The following ZNRF1 variants were observed in gnomAD, a reference collection of about 807,000 sequenced individuals.
ZNRF1 encodes the protein E3 ubiquitin-protein ligase ZNRF1.
ZNRF1 carries 3 observed loss-of-function variants against 18.4 expected under a neutral mutation model. The ratio of observed to expected loss-of-function variants is 0.16; its 90% CI spans 0.07 to 0.42. The LOEUF (loss-of-function observed/expected upper bound fraction) is 0.42, where lower values mean the gene tolerates loss of function less well. ZNRF1 is among the 10% of genes least tolerant of loss of function. The pLI is 0.99. For missense variants in ZNRF1, 310 were observed against 329.8 expected, an observed-to-expected ratio of 0.94 and a Z score of 0.47; for synonymous variants, 157 against 144.2, an observed-to-expected ratio of 1.09 and a Z score of -0.64.
At chr16:75,028,093 A>AT (rs2035250772) in intron 1 of ZNRF1, among the ~76,000 whole-genome samples, 1 of 152,138 alleles carries the variant, frequency 6.6e-6, no homozygotes, top group Non-Finnish European at 1.5e-5. Context: ...TGCAAACAAA[A>AT]TTTCATTCCC....
chr16:75,034,357 C>A (rs2035349791), intron 1 of ZNRF1, among the ~76,000 whole-genome samples: 2 of 152,162 alleles, frequency 1.3e-5, no homozygotes, highest in Admixed American at 6.6e-5. Flanking sequence ...CTTGACCACT[C>A]TTAATAACTC....
At chr16:75,020,573 G>A (rs1048254223) in intron 1 of ZNRF1, among the ~76,000 whole-genome samples, 3 of 150,024 alleles carry the variant, frequency 2.0e-5, no homozygotes, top group South Asian at 2.1e-4. Flanking sequence ...ATGGAGTCTC[G>A]CTGTGTCACC....
chr16:75,079,050 T>A (rs1204107900), intron 1 of ZNRF1, among the ~76,000 whole-genome samples: 1 of 152,230 alleles, frequency 6.6e-6, no homozygotes, highest in African/African-American at 2.4e-5. Context: ...CCGGTTCAAG[T>A]AACCTGAACC....
chr16:75,015,472 G>A (rs1331838522), intron 1 of ZNRF1, among the ~76,000 whole-genome samples: 1 of 152,188 alleles, frequency 6.6e-6, no homozygotes. Flanking sequence ...CTACTCAGGA[G>A]GCTGAGGCAG....
intron 1 of ZNRF1, among the ~76,000 whole-genome samples, chr16:75,060,178 C>G (rs549599767): frequency 1.3e-5 from 2 of 151,738 alleles, no homozygotes; most frequent in African/African-American, 2.4e-5. Context: ...CTCAGCCTCC[C>G]GAGTAGCTGG....
intron 1 of ZNRF1, among the ~76,000 whole-genome samples, chr16:75,033,504 A>G (rs1339233756): frequency 6.7e-6 from 1 of 148,666 alleles, no homozygotes; most frequent in African/African-American, 2.5e-5. Context: ...CAATGGCGCA[A>G]TCTTGGCTCA....
At chr16:75,101,880 T>G (rs761964295) in intron 2 of ZNRF1, among the ~76,000 whole-genome samples, 1 of 152,254 alleles carries the variant, frequency 6.6e-6, no homozygotes. Flanking sequence ...ATCACACCCA[T>G]GTGTTCATCC....
intron 1 of ZNRF1, among the ~76,000 whole-genome samples, chr16:75,073,642 C>T (rs1167696089): frequency 6.6e-6 from 1 of 151,990 alleles, no homozygotes; most frequent in African/African-American, 2.4e-5. Context: ...CTTTTTTTCT[C>T]TCAGCACTGT....
intron 1 of ZNRF1, among the ~76,000 whole-genome samples, chr16:75,046,327 CTG>C (rs1158766619): frequency 4.6e-5 from 7 of 151,360 alleles, no homozygotes; most frequent in Non-Finnish European, 1.0e-4. Flanking sequence ...TCTCAGCTCA[CTG>C]TAACCTCTGC....
intron 1 of ZNRF1, among the ~76,000 whole-genome samples, chr16:75,067,171 CT>C (rs2035815974): frequency 6.6e-6 from 1 of 152,178 alleles, no homozygotes; most frequent in Non-Finnish European, 1.5e-5. Flanking sequence ...AATGTGGTGC[CT>C]TCTGGGTTAC....
intron 1 of ZNRF1, among the ~76,000 whole-genome samples, chr16:75,038,863 T>G (rs66927136): frequency 0.31 from 46,743 of 152,120 alleles, 8,784 homozygotes; most frequent in East Asian, 0.62. Context: ...TGCTGTTATT[T>G]TTTTTTTCTA....
At chr16:75,052,657 C>T (rs547663853) in intron 1 of ZNRF1, among the ~76,000 whole-genome samples, 2 of 152,276 alleles carry the variant, frequency 1.3e-5, no homozygotes, top group Admixed American at 6.5e-5. Context: ...AGGCCACCTC[C>T]ATTTCCAGCA....
intron 1 of ZNRF1, among the ~76,000 whole-genome samples, chr16:75,009,427 A>G (rs2034966506): frequency 6.6e-6 from 1 of 152,148 alleles, no homozygotes; most frequent in South Asian, 2.1e-4. Flanking sequence ...TAGTGTCCTC[A>G]AGGTTCATCT....
Position 74,999,603 on chromosome 16 carries a change from C to G in ZNRF1, c.-69C>G. On this transcript the variant is annotated 5_prime_UTR_variant, in exon 1 of 5. Transcript: ENST00000335325. ...CCCCCTTTATGCTCGCCCAGCCCTC[C>G]CCCTGCTGCTGAGAAGTGGGGGAGG... is the stretch of plus-strand genomic sequence containing the variant. 8.6e-7 allele frequency: 1 copy of G among 1,160,420 alleles called. No individual in the cohort carries two copies. The highest frequency in any genetic ancestry group is 1.1e-6 in the Non-Finnish European group (1 of 904,076). The allele number at this position is 1,160,420 out of a possible 1,614,324, so 71.9% of individuals were successfully genotyped here.
chr16:75,038,884 C>G (rs1446349831), intron 1 of ZNRF1, among the ~76,000 whole-genome samples: 1 of 152,038 alleles, frequency 6.6e-6, no homozygotes, highest in African/African-American at 2.4e-5. Context: ...GGACACAGTC[C>G]TACTTCTGTA....
chr16:75,006,842 G>T (rs2034925095), intron 1 of ZNRF1, among the ~76,000 whole-genome samples: 1 of 152,132 alleles, frequency 6.6e-6, no homozygotes, highest in African/African-American at 2.4e-5. Flanking sequence ...ATTACCATGG[G>T]TTCAGTCTTG....
intron 2 of ZNRF1, among the ~76,000 whole-genome samples, chr16:75,101,316 G>A (rs1422285345): frequency 6.6e-6 from 1 of 152,240 alleles, no homozygotes; most frequent in East Asian, 1.9e-4. Flanking sequence ...AGCACTTTGG[G>A]AGGCCGAGGT....
chr16:75,038,300 TG>T (rs2035399793), intron 1 of ZNRF1, among the ~76,000 whole-genome samples: 1 of 152,212 alleles, frequency 6.6e-6, no homozygotes, highest in Non-Finnish European at 1.5e-5. Context: ...TTCACACATC[TG>T]GCAAGTTGGT....
intron 1 of ZNRF1, among the ~76,000 whole-genome samples, chr16:75,042,964 A>G (rs1288214196): frequency 6.6e-6 from 1 of 152,218 alleles, no homozygotes; most frequent in Non-Finnish European, 1.5e-5. Context: ...GGCCAAGGCC[A>G]GCTCCGGGAC....
Sources: gnomAD v4.1 joint callset for allele counts (sites outside exome capture counted in the v4.1 genomes callset) on GRCh38, gnomAD v4.1.1 for gene constraint, MANE v1.5 for transcripts, NCBI Gene and HGNC (gene_info 2026-07-23, HGNC 2026-07-21) for gene names.